Variants in PPP1R12B observed in about 807,000 individuals in gnomAD.
PPP1R12B encodes the protein protein phosphatase 1 regulatory subunit 12B, also known as myosin phosphatase target subunit 2.
PPP1R12B carries 76 observed loss-of-function variants against 126.1 expected under a neutral mutation model. That is an observed-to-expected ratio of 0.60 (90% CI 0.50 to 0.73). The LOEUF (loss-of-function observed/expected upper bound fraction) is 0.73, where lower values mean the gene tolerates loss of function less well. Among genes scored for constraint, PPP1R12B ranks in the 30% least tolerant of loss-of-function variants. The probability of loss-of-function intolerance (pLI) is 0.00; values close to 1 mark genes in which losing one functional copy is unlikely to be tolerated. For missense variants in PPP1R12B, 1,052 were observed against 1,205.1 expected (o/e 0.87, Z 1.88); for synonymous variants, 356 against 434.7 (o/e 0.82, Z 2.25).
In PPP1R12B at chr1:202,580,566, G is replaced by T; in HGVS notation, c.*6G>T. The stretch of plus-strand genomic sequence containing the variant: ...TCAGCAAACTGTCCAAGTAGGCTAG[G>T]CTCCAGATTTATGAGGAAAGAAAGG... On this transcript the variant is annotated 3_prime_UTR_variant, in exon 24 of 24. Coordinates refer to ENST00000608999, the MANE Select transcript of PPP1R12B (RefSeq NM_002481.4). 6.2e-7 allele frequency: 1 copy of T among 1,608,192 alleles called. No individual in the cohort carries two copies. Among genetic ancestry groups the T allele is most frequent in the Non-Finnish European group, 8.5e-7 (1 of 1,174,606 alleles).
chr1:202,493,282 G>A lies in PPP1R12B; in HGVS notation c.2110G>A (p.Gly704Ser), dbSNP rs1679128817. The A allele has an allele frequency of 6.2e-7, 1 of 1,612,634 alleles. No homozygotes were observed. The highest frequency in any genetic ancestry group is 1.3e-5 in the African/African-American group (1 of 75,010). The change falls in exon 15 of 24, where the codon GGC becomes AGC. Residue 704 changes from glycine to serine, a missense_variant. Gly to Ser is a moderately conservative substitution (Grantham distance 56). Transcript: ENST00000608999. ...AGTTCCAGCAACAGAAGCTGGGGAG[G>A]GCCAGCAGCCCTGGGGCAGGAGTCT... ...SAVPATEAGE[G>S]QQPWGRSLDE...
intron 18 of PPP1R12B, among the ~76,000 whole-genome samples, chr1:202,499,501 T>C (rs906869007): frequency 6.6e-6 from 1 of 152,170 alleles, no homozygotes; most frequent in African/African-American, 2.4e-5. Flanking sequence ...ACAGTCCTCC[T>C]GCCTTGGCCT....
chr1:202,539,948 G>A, intron 18 of PPP1R12B: 1 of 928,230 alleles, frequency 1.1e-6, no homozygotes, highest in African/African-American at 1.7e-5. Context: ...CTCAGACTCT[G>A]TGTAACTGGG....
intron 13 of PPP1R12B, among the ~76,000 whole-genome samples, chr1:202,463,725 A>T (rs1572141845): frequency 6.6e-6 from 1 of 152,324 alleles, no homozygotes; most frequent in Non-Finnish European, 1.5e-5. Context: ...TTCCTAGTTG[A>T]TCTTGTTCAG....
chr1:202,476,336 G>A (rs1267061049), intron 13 of PPP1R12B, among the ~76,000 whole-genome samples: 2 of 151,074 alleles, frequency 1.3e-5, no homozygotes, highest in African/African-American at 4.9e-5. Flanking sequence ...TATTTATATA[G>A]TGTGTCTTTA....
intron 11 of PPP1R12B, among the ~76,000 whole-genome samples, chr1:202,441,387 C>G (rs1346976210): frequency 6.6e-6 from 1 of 152,074 alleles, no homozygotes; most frequent in Admixed American, 6.6e-5. Flanking sequence ...GTCTCAAACT[C>G]CAGACCTCGA....
chr1:202,413,068 G>C lies in PPP1R12B; in HGVS notation c.292-3719G>C, dbSNP rs114837042. ...ACATCATAGAAGAAATATAATTTCT[G>C]GAGCTGCTGTTGAAAACTAGACCAT... is the stretch of plus-strand genomic sequence containing the variant. On this transcript the variant is annotated intron_variant, in intron 1 of 23. Coordinates refer to ENST00000608999, the MANE Select transcript of PPP1R12B (RefSeq NM_002481.4). Among the ~76,000 whole-genome samples the C allele has an allele frequency of 4.6e-3, 702 of 151,894 alleles. 6 individuals are homozygous for C. Among genetic ancestry groups the C allele is most frequent in the African/African-American group, 0.016 (675 of 41,426 alleles).
chr1:202,580,357 T>G, intron 23 of PPP1R12B, 117 bp from the exon 24 acceptor site: 2 of 708,324 alleles, frequency 2.8e-6, no homozygotes, highest in Non-Finnish European at 2.5e-6. Context: ...ACCATGAGAG[T>G]TTATTCCACA....
At chr1:202,548,994 C>T (rs1354755889) in intron 18 of PPP1R12B, among the ~76,000 whole-genome samples, 1 of 151,906 alleles carries the variant, frequency 6.6e-6, no homozygotes, top group Non-Finnish European at 1.5e-5. Context: ...TCCCCTGTCC[C>T]AAAAGTCTAC....
intron 18 of PPP1R12B, among the ~76,000 whole-genome samples, chr1:202,547,012 A>G (rs1289375079): frequency 6.8e-6 from 1 of 147,994 alleles, no homozygotes; most frequent in East Asian, 2.1e-4. Flanking sequence ...GGTCAAACTT[A>G]TGTTACGGTG....
In PPP1R12B at chr1:202,496,765, C is replaced by T. The variant is rs1679609946; in HGVS notation, c.2449-16C>T. The T allele has an allele frequency of 6.2e-7, 1 of 1,608,060 alleles. No homozygotes were observed. The highest frequency in any genetic ancestry group is 1.3e-5 in the African/African-American group (1 of 74,754). Reference sequence around the variant, plus strand: ...TGACAATGAGCCTCTTGATTTTCTTCCCTTTTCTTTTTTAGGAGGATGAAA... The same window carrying T: ...TGACAATGAGCCTCTTGATTTTCTTTCCTTTTCTTTTTTAGGAGGATGAAA... On this transcript the variant is annotated splice_polypyrimidine_tract_variant and intron_variant, in intron 17 of 23. Coordinates refer to ENST00000608999, the MANE Select transcript of PPP1R12B (RefSeq NM_002481.4).
At chr1:202,546,257 G>A (rs1685642212) in intron 18 of PPP1R12B, among the ~76,000 whole-genome samples, 1 of 152,178 alleles carries the variant, frequency 6.6e-6, no homozygotes, top group Non-Finnish European at 1.5e-5. Flanking sequence ...GCCTGAGAGA[G>A]GGCAGAGTCA....
At chr1:202,519,813 C>G (rs1682578547) in intron 18 of PPP1R12B, among the ~76,000 whole-genome samples, 2 of 152,076 alleles carry the variant, frequency 1.3e-5, no homozygotes, top group African/African-American at 2.4e-5. Context: ...TTGGTCTTCT[C>G]AGCTATTAGA....
intron 10 of PPP1R12B, among the ~76,000 whole-genome samples, chr1:202,440,286 T>G (rs907886110): frequency 1.3e-5 from 2 of 152,226 alleles, no homozygotes; most frequent in African/African-American, 4.8e-5. Context: ...CAGCATACTA[T>G]TGTACATATT....
Position 202,434,646 on chromosome 1 carries a change from TAAATAAC to T in PPP1R12B, c.1142-8_1142-2del, listed in dbSNP as rs1670578143. On this transcript the variant is annotated splice_region_variant and splice_polypyrimidine_tract_variant and intron_variant, in intron 8 of 23. Transcript: ENST00000608999. The stretch of plus-strand genomic sequence containing the variant: ...CTAGTACTTGTTAATTCTCTTGTCT[TAAATAAC>T]AGATAAAAAGCCAGAAGCCTTTGTC... 1 of 1,606,524 alleles carries T rather than the reference TAAATAAC, an allele frequency of 6.2e-7. No individual in the cohort carries two copies. The highest frequency in any genetic ancestry group is 1.3e-5 in the African/African-American group (1 of 74,284).
At chr1:202,416,681 T>C (rs1668111045) in intron 1 of PPP1R12B, 106 bp from the exon 2 acceptor site, 33 of 948,002 alleles carry the variant, frequency 3.5e-5, no homozygotes, top group Non-Finnish European at 4.9e-5. Context: ...TAGAAATTAA[T>C]GTATTATTAG....
In PPP1R12B at chr1:202,586,757, C is replaced by T. The variant is rs1315784741; in HGVS notation, c.*6197C>T. On this transcript the variant is annotated 3_prime_UTR_variant, in exon 24 of 24. Coordinates refer to ENST00000608999, the MANE Select transcript of PPP1R12B (RefSeq NM_002481.4). Reference sequence around the variant, plus strand: ...ATAGAACCCAGGTTTGGCTTACAACCCAGTGTCCCGGAAGCCCTCCTTCGG... The same window carrying T: ...ATAGAACCCAGGTTTGGCTTACAACTCAGTGTCCCGGAAGCCCTCCTTCGG... The T allele has an allele frequency of 6.6e-6, 1 of 152,180 alleles. No homozygotes were observed. The highest frequency in any genetic ancestry group is 2.4e-5 in the African/African-American group (1 of 41,436). 9.4% of individuals were successfully genotyped at this position (152,180 alleles called of 1,614,324 possible).
intron 13 of PPP1R12B, among the ~76,000 whole-genome samples, chr1:202,460,703 A>T (rs1276802993): frequency 6.6e-6 from 1 of 152,238 alleles, no homozygotes; most frequent in African/African-American, 2.4e-5. Context: ...AGAGTGAAAC[A>T]TATGTAGCAG....
chr1:202,428,979 A>C, intron 6 of PPP1R12B, 50 bp downstream of exon 6: 1 of 1,459,500 alleles, frequency 6.9e-7, no homozygotes, highest in Non-Finnish European at 9.4e-7. Flanking sequence ...TTTGCAGTTC[A>C]CACCAAGTAT....
Sources: gnomAD v4.1 joint callset for allele counts (sites outside exome capture counted in the v4.1 genomes callset) on GRCh38, gnomAD v4.1.1 for gene constraint, MANE v1.5 for transcripts, NCBI Gene and HGNC (gene_info 2026-07-23, HGNC 2026-07-21) for gene names.